The following KAZN variants were observed in gnomAD, a reference collection of about 807,000 sequenced individuals.
The protein encoded by KAZN is kazrin.
KAZN carries 40 observed loss-of-function variants against 87.4 expected under a neutral mutation model. The observed-to-expected ratio is 0.46, with a 90% CI of 0.36 to 0.60. The LOEUF (loss-of-function observed/expected upper bound fraction) is 0.60. Ranked by LOEUF, KAZN falls within the 20% of genes least tolerant of loss-of-function variation. The pLI, the probability that KAZN is intolerant of heterozygous loss-of-function variation, is 0.00. For synonymous variants in KAZN, 466 were observed against 458.3 expected (o/e 1.02, Z -0.22); for missense variants, 898 against 1,073.9 (o/e 0.84, Z 2.29).
chr1:15,027,172 C>T, intron 2 of KAZN, among the ~76,000 whole-genome samples: 1 of 149,630 alleles, frequency 6.7e-6, no homozygotes. Flanking sequence ...AGCTCCGCCT[C>T]CCGGGTTCAC....
At chr1:14,177,230 A>G (rs1355292196) in intron 1 of KAZN, among the ~76,000 whole-genome samples, 4 of 152,174 alleles carry the variant, frequency 2.6e-5, no homozygotes, top group Non-Finnish European at 4.4e-5. Context: ...ATTTTACTCT[A>G]TGTAAGTTAT....
intron 1 of KAZN, among the ~76,000 whole-genome samples, chr1:14,618,545 C>T (rs7542378): frequency 6.6e-6 from 1 of 152,004 alleles, no homozygotes; most frequent in Non-Finnish European, 1.5e-5. Flanking sequence ...ACAAGGCATC[C>T]TTCTAAAAGC....
chr1:14,099,651 G>C (rs1352498529), intron 1 of KAZN, among the ~76,000 whole-genome samples: 1 of 152,108 alleles, frequency 6.6e-6, no homozygotes, highest in Admixed American at 6.5e-5. Context: ...GCCCACGAAG[G>C]TGCCAGCAAT....
intron 2 of KAZN, among the ~76,000 whole-genome samples, chr1:14,421,315 ACT>A (rs1425140688): frequency 6.6e-6 from 1 of 151,352 alleles, no homozygotes; most frequent in African/African-American, 2.4e-5. Context: ...TTGGTTATTG[ACT>A]CTGTATTATC....
intron 2 of KAZN, among the ~76,000 whole-genome samples, chr1:14,498,002 C>T (rs545542482): frequency 4.6e-5 from 7 of 152,282 alleles, no homozygotes; most frequent in South Asian, 2.1e-4. Flanking sequence ...AATTTCTATC[C>T]GGTTTCCCTT....
At chr1:14,206,898 G>T (rs1646757529) in intron 2 of KAZN, among the ~76,000 whole-genome samples, 1 of 151,176 alleles carries the variant, frequency 6.6e-6, no homozygotes, top group Admixed American at 6.6e-5. Flanking sequence ...AAATAACTCT[G>T]TGATAAATGG....
chr1:14,634,328 C>T (rs1679803747), intron 1 of KAZN, among the ~76,000 whole-genome samples: 1 of 152,168 alleles, frequency 6.6e-6, no homozygotes, highest in Non-Finnish European at 1.5e-5. Flanking sequence ...TGAAAGATCA[C>T]TGAGGATTTT....
chr1:14,089,739 C>A (rs142584493), intron 1 of KAZN, among the ~76,000 whole-genome samples: 2 of 152,086 alleles, frequency 1.3e-5, no homozygotes, highest in African/African-American at 4.8e-5. Flanking sequence ...TCTTTTATTC[C>A]GCTACATGAT....
intron 1 of KAZN, among the ~76,000 whole-genome samples, chr1:14,807,309 G>A (rs924969505): frequency 6.6e-6 from 1 of 152,136 alleles, no homozygotes; most frequent in Admixed American, 6.5e-5. Context: ...GTGGCTTTGC[G>A]AGTCATTCTG....
chr1:14,441,205 T>C (rs1324494803), intron 2 of KAZN, among the ~76,000 whole-genome samples: 1 of 152,144 alleles, frequency 6.6e-6, no homozygotes. Flanking sequence ...TGGCTTCTTA[T>C]AGCTTATGAT....
At chr1:13,920,348 A>G (rs1422182794) in intron 1 of KAZN, among the ~76,000 whole-genome samples, 1 of 151,172 alleles carries the variant, frequency 6.6e-6, no homozygotes, top group Non-Finnish European at 1.5e-5. Context: ...TTTGGACTCT[A>G]TTCTGTTCTT....
chr1:14,498,259 A>G (rs1039349249), intron 2 of KAZN, among the ~76,000 whole-genome samples: 13 of 152,078 alleles, frequency 8.5e-5, no homozygotes, highest in African/African-American at 2.4e-4. Flanking sequence ...TCCACCTCCT[A>G]TTGGTAGCAC....
intron 1 of KAZN, among the ~76,000 whole-genome samples, chr1:13,962,381 C>G (rs1417714419): frequency 1.3e-5 from 2 of 152,158 alleles, no homozygotes; most frequent in Non-Finnish European, 2.9e-5. Flanking sequence ...GCAACACCTT[C>G]TCAGAATGCT....
In KAZN at chr1:14,778,682, A is replaced by C. The variant is rs984488166; in HGVS notation, c.226+179459A>C. On this transcript the variant is annotated intron_variant, in intron 1 of 14. Coordinates refer to ENST00000376030, the MANE Select transcript of KAZN (RefSeq NM_201628.3). ...ACAGGTACTGGTTATCCAGTGTTTCAGTTCTCTTTTGCCACGTAACAACCC... is the reference window on the plus strand; with the variant it reads ...ACAGGTACTGGTTATCCAGTGTTTCCGTTCTCTTTTGCCACGTAACAACCC... Among the ~76,000 whole-genome samples the C allele has an allele frequency of 2.0e-5, 3 of 152,288 alleles. No individual in the cohort carries two copies. The East Asian group carries it at 5.8e-4, about 29-fold the overall frequency.
chr1:15,050,812 T>C (rs1192433594), intron 4 of KAZN, among the ~76,000 whole-genome samples: 1 of 135,394 alleles, frequency 7.4e-6, no homozygotes, highest in Non-Finnish European at 1.5e-5. Context: ...GAGCCTCCCC[T>C]CCACAGCCGA....
chr1:14,349,530 C>T (rs990696055), intron 2 of KAZN, among the ~76,000 whole-genome samples: 17 of 152,170 alleles, frequency 1.1e-4, no homozygotes, highest in Non-Finnish European at 1.5e-4. Flanking sequence ...ACTGAGGTCA[C>T]AGTCCTCACC....
At chr1:14,978,721 C>A (rs915169320) in intron 2 of KAZN, among the ~76,000 whole-genome samples, 5 of 151,164 alleles carry the variant, frequency 3.3e-5, no homozygotes, top group Non-Finnish European at 5.9e-5. Flanking sequence ...TGGGTGTGGT[C>A]TTGCTCTCCT....
At chr1:14,277,138 A>G (rs1045621423) in intron 2 of KAZN, among the ~76,000 whole-genome samples, 1 of 152,228 alleles carries the variant, frequency 6.6e-6, no homozygotes, top group African/African-American at 2.4e-5. Context: ...AGAGAAAATA[A>G]TATAAAGAAC....
At chr1:14,964,199 A>G (rs1215016249) in intron 2 of KAZN, among the ~76,000 whole-genome samples, 1 of 152,212 alleles carries the variant, frequency 6.6e-6, no homozygotes, top group Non-Finnish European at 1.5e-5. Context: ...GCTTGGATAC[A>G]TTCTTTAACC....
Sources: gnomAD v4.1 joint callset for allele counts (sites outside exome capture counted in the v4.1 genomes callset) on GRCh38, gnomAD v4.1.1 for gene constraint, MANE v1.5 for transcripts, NCBI Gene and HGNC (gene_info 2026-07-23, HGNC 2026-07-21) for gene names.